MIA2: variants seen among roughly 807,000 people sequenced by gnomAD.
MIA2 encodes MIA SH3 domain ER export factor 2.
Under a neutral mutation model 167.8 loss-of-function variants are expected in MIA2, and 127 were observed. The observed-to-expected ratio is 0.76, with a 90% CI of 0.66 to 0.88. The LOEUF is 0.88. Among genes scored for constraint, MIA2 ranks in the 40% least tolerant of loss-of-function variants. The pLI, the probability that MIA2 is intolerant of heterozygous loss-of-function variation, is 0.00. For synonymous variants in MIA2, 552 were observed against 541.9 expected, an observed-to-expected ratio of 1.02 and a Z score of -0.26; for missense variants, 1,690 against 1,624.7, an observed-to-expected ratio of 1.04 and a Z score of -0.69.
intron 23 of MIA2, among the ~76,000 whole-genome samples, chr14:39,357,718 T>A (rs2139261698): frequency 6.6e-6 from 1 of 152,344 alleles, no homozygotes; most frequent in South Asian, 2.1e-4. Context: ...GTGTAGTGCT[T>A]CCTTCAGGAG....
intron 23 of MIA2, among the ~76,000 whole-genome samples, chr14:39,373,812 G>A (rs1595957544): frequency 6.6e-6 from 1 of 151,998 alleles, no homozygotes; most frequent in Non-Finnish European, 1.5e-5. Flanking sequence ...TAGAGCAAGA[G>A]TTGGTCTAAA....
intron 23 of MIA2, chr14:39,385,473 T>C (rs2075257110): frequency 2.0e-6 from 2 of 1,010,128 alleles, no homozygotes. Context: ...CTCTCCAAAA[T>C]ACAGTGATCT....
chr14:39,386,538 T>C, intron 23 of MIA2: 1 of 1,324,888 alleles, frequency 7.5e-7, no homozygotes, highest in Non-Finnish European at 1.1e-6. Flanking sequence ...TTTCTCCTTT[T>C]TCTTTGGTGA....
chr14:39,247,707 T>C lies in MIA2; in HGVS notation c.1133T>C (p.Phe378Ser). ...AGCTTGAGTCTCAAGCCAAGTTGGT[T>C]TGATTTTGGTTTTGCTATACTAGGC... ...NDSLSLKPSW[F>S]DFGFAILGFA... is the part of the protein sequence containing the mutation. Residue 378 changes from phenylalanine to serine, a missense_variant, in exon 4 of 29, where the codon TTT becomes TCT. Transcript: ENST00000640607. The C allele has an allele frequency of 6.2e-7, 1 of 1,611,220 alleles. No homozygotes were observed. The highest frequency in any genetic ancestry group is 8.5e-7 in the Non-Finnish European group (1 of 1,179,366).
chr14:39,364,544 A>T (rs574811559), intron 23 of MIA2, among the ~76,000 whole-genome samples: 34 of 150,832 alleles, frequency 2.3e-4, no homozygotes, highest in East Asian at 1.9e-4. Flanking sequence ...TTTCATGGTG[A>T]TAGGTTTTGT....
intron 23 of MIA2, chr14:39,386,041 C>T: frequency 8.9e-7 from 1 of 1,121,484 alleles, no homozygotes; most frequent in Non-Finnish European, 1.3e-6. Context: ...TGGGCCCGGA[C>T]AACCTCTTCT....
intron 9 of MIA2, among the ~76,000 whole-genome samples, chr14:39,285,523 A>C (rs1208378336): frequency 6.5e-5 from 6 of 92,004 alleles, no homozygotes; most frequent in Admixed American, 1.2e-4. Flanking sequence ...GCGGGGGCTG[A>C]CCCCCCACCT....
chr14:39,299,780 T>A, intron 13 of MIA2, 84 bp from the exon 14 acceptor site: 1 of 1,432,780 alleles, frequency 7.0e-7, no homozygotes, highest in Admixed American at 2.6e-5. Context: ...TTTTTCTTTT[T>A]TAAGTAGCTA....
At chr14:39,351,355 C>A (rs57704406), downstream of MIA2, 1 of 147,852 alleles carries the variant, frequency 6.8e-6, no homozygotes. Context: ...ATTTTTGCTC[C>A]CTTTCTATTC....
chr14:39,321,821 C>T (rs1391814166), intron 24 of MIA2, among the ~76,000 whole-genome samples: 5 of 149,544 alleles, frequency 3.3e-5, no homozygotes, highest in African/African-American at 7.4e-5. Flanking sequence ...AATGCAGTGG[C>T]GCGATCTCGG....
intron 25 of MIA2, among the ~76,000 whole-genome samples, chr14:39,327,799 TC>T (rs541782684): frequency 6.6e-6 from 1 of 152,342 alleles, no homozygotes; most frequent in African/African-American, 2.4e-5. Context: ...GGACATGAAC[TC>T]ATTCTTTTTT....
At chr14:39,290,285 C>T (rs1402302165) in intron 9 of MIA2, among the ~76,000 whole-genome samples, 2 of 152,080 alleles carry the variant, frequency 1.3e-5, no homozygotes, top group Non-Finnish European at 2.9e-5. Flanking sequence ...CTCACAAATT[C>T]TCACTGTTTT....
intron 13 of MIA2, among the ~76,000 whole-genome samples, chr14:39,296,941 AATTTTTTGT>A (rs933569564): frequency 1.4e-5 from 2 of 146,192 alleles, no homozygotes; most frequent in African/African-American, 5.1e-5. Flanking sequence ...ACGCCCGGCT[AATTTTTTGT>A]ATTTTTAATA....
chr14:39,324,457 G>C (rs10137352), intron 24 of MIA2, among the ~76,000 whole-genome samples: 41,916 of 151,910 alleles, frequency 0.28, 5,911 homozygotes, highest in East Asian at 0.5. Flanking sequence ...CTACTAAAGG[G>C]AGTAGATGGA....
At position 39,332,364 on chromosome 14, in the gene MIA2, T is replaced by C. The variant is rs148185928; in HGVS notation, c.3655+5342T>C. On this transcript the variant is annotated intron_variant, in intron 25 of 28. Coordinates refer to ENST00000640607, the MANE Select transcript of MIA2 (RefSeq NM_001329214.4). ...TCCTCTAACCTTTTATCAATGTTCT[T>C]AGCTTCCTTGCATTAGGTTAGAATA... Among the ~76,000 whole-genome samples, 1,493 of 152,300 alleles carry C rather than the reference T, an allele frequency of 9.8e-3. 11 individuals carry two copies. Among genetic ancestry groups the C allele is most frequent in the Non-Finnish European group, 0.017 (1,130 of 68,020 alleles).
chr14:39,311,602 C>T (rs1383752434), intron 18 of MIA2, among the ~76,000 whole-genome samples: 4 of 150,948 alleles, frequency 2.6e-5, no homozygotes, highest in South Asian at 2.1e-4. Context: ...CTCAGCCTCC[C>T]GAGTAGCTGG....
At chr14:39,357,683 G>T (rs2074565156) in intron 23 of MIA2, among the ~76,000 whole-genome samples, 1 of 152,154 alleles carries the variant, frequency 6.6e-6, no homozygotes, top group Non-Finnish European at 1.5e-5. Flanking sequence ...TTTTGCAGTG[G>T]CTGTTACAGG....
intron 25 of MIA2, among the ~76,000 whole-genome samples, chr14:39,335,928 A>G (rs1237725908): frequency 6.6e-6 from 1 of 152,184 alleles, no homozygotes; most frequent in Non-Finnish European, 1.5e-5. Context: ...GTTGCAAAGG[A>G]CATAATTTTA....
At chr14:39,322,632 A>G (rs557061697) in intron 24 of MIA2, among the ~76,000 whole-genome samples, 1 of 151,224 alleles carries the variant, frequency 6.6e-6, no homozygotes, top group East Asian at 1.9e-4. Flanking sequence ...ATCATTAGCT[A>G]TTCTACATTT....
Sources: allele counts gnomAD v4.1 joint callset (sites outside exome capture counted in the v4.1 genomes callset), GRCh38; gene constraint gnomAD v4.1.1; transcripts MANE v1.5; gene names NCBI Gene and HGNC (gene_info 2026-07-23, HGNC 2026-07-21).